EYS: variants seen among roughly 807,000 people sequenced by gnomAD.
The protein encoded by EYS is EGF-like photoreceptor maintenance factor.
In EYS, 250 loss-of-function variants were observed where a neutral mutation model predicts 282.1. The observed-to-expected ratio is 0.89, with a 90% confidence interval of 0.80 to 0.98. The LOEUF is 0.98. EYS is among the 50% of genes least tolerant of loss of function. The probability of loss-of-function intolerance (pLI) is 0.00; values close to 1 mark genes in which losing one functional copy is unlikely to be tolerated. For missense variants in EYS, 4,016 were observed against 3,709.0 expected (o/e 1.08, Z -2.15); for synonymous variants, 1,355 against 1,282.9 (o/e 1.06, Z -1.20).
At chr6:64,642,654 A>G (rs1562108006) in intron 22 of EYS, among the ~76,000 whole-genome samples, 1 of 152,238 alleles carries the variant, frequency 6.6e-6, no homozygotes, top group Admixed American at 6.5e-5. Flanking sequence ...ATTTTTGAGT[A>G]GCCAGGGTTC....
At chr6:63,859,090 T>G (rs1342227209) in intron 36 of EYS, among the ~76,000 whole-genome samples, 1 of 114,128 alleles carries the variant, frequency 8.8e-6, no homozygotes, top group African/African-American at 3.3e-5. Context: ...TTTTTTTTTT[T>G]TTTTTTTTTT....
chr6:64,080,847 G>T (rs1277460762), intron 32 of EYS, among the ~76,000 whole-genome samples: 1 of 152,024 alleles, frequency 6.6e-6, no homozygotes, highest in Non-Finnish European at 1.5e-5. Context: ...TCTCAGATTT[G>T]TCAAATATCA....
At chr6:65,080,939 C>A (rs1774216645) in intron 12 of EYS, among the ~76,000 whole-genome samples, 1 of 151,986 alleles carries the variant, frequency 6.6e-6, no homozygotes, top group African/African-American at 2.4e-5. Flanking sequence ...AAAAATACAT[C>A]TCTTCAGGGG....
At chr6:64,096,131 T>G (rs1772603143) in intron 31 of EYS, among the ~76,000 whole-genome samples, 1 of 152,238 alleles carries the variant, frequency 6.6e-6, no homozygotes, top group African/African-American at 2.4e-5. Context: ...GCTGTTAGTA[T>G]GATGGGCTTC....
intron 8 of EYS, among the ~76,000 whole-genome samples, chr6:65,367,820 A>C (rs1764972195): frequency 6.6e-6 from 1 of 151,766 alleles, no homozygotes; most frequent in Non-Finnish European, 1.5e-5. Flanking sequence ...AAACATGTGG[A>C]TTTATAAAGT....
intron 39 of EYS, among the ~76,000 whole-genome samples, chr6:63,778,765 C>T (rs1021273428): frequency 6.6e-6 from 1 of 152,046 alleles, no homozygotes; most frequent in Non-Finnish European, 1.5e-5. Context: ...GCCTAAGTGT[C>T]CCCCATAGAT....
Position 64,495,137 on chromosome 6 carries a change from A to G in EYS, c.5645-55785T>C, listed in dbSNP as rs936972637. Among the ~76,000 whole-genome samples the G allele has an allele frequency of 3.3e-5, 5 of 151,730 alleles. No individual in the cohort carries two copies. The Admixed American group carries it at 3.3e-4, about 10-fold the overall frequency. ...TTATTTTAATGCTAAGATAATAAAG[A>G]ACAGATTGCCCTACTCACCCTGGTT... is the stretch of plus-strand genomic sequence containing the variant. On this transcript the variant is annotated intron_variant, in intron 26 of 42. Transcript: ENST00000503581.
chr6:64,749,269 C>T (rs1772664407), intron 22 of EYS, among the ~76,000 whole-genome samples: 1 of 152,068 alleles, frequency 6.6e-6, no homozygotes, highest in Non-Finnish European at 1.5e-5. Context: ...GTAGATTATA[C>T]CTTTTGTACA....
chr6:63,720,707 A>G lies in EYS; in HGVS notation c.9324T>C (p.Phe3108=), dbSNP rs1357829953. The change falls in exon 43 of 43, where the codon TTT becomes TTC. Residue 3108 remains phenylalanine (F), a synonymous_variant. Transcript: ENST00000503581. ...ATACAACATCTTTAATTTTGCCAAC[A>G]AAATTGGTTTTAAAAATCTCTTGAG... The part of the protein sequence containing the change: ...IVTQEIFKTN[F]VGKIKDVVFF... The G allele has an allele frequency of 1.3e-6, 2 of 1,548,608 alleles. No individual in the cohort carries two copies. The highest frequency in any genetic ancestry group is 2.7e-5 in the African/African-American group (2 of 72,914).
chr6:65,501,510 TA>T (rs2127277649), intron 2 of EYS, among the ~76,000 whole-genome samples: 1 of 151,962 alleles, frequency 6.6e-6, no homozygotes, highest in East Asian at 1.9e-4. Flanking sequence ...AGTTGGTCTA[TA>T]GTATATGGAT....
At position 63,789,239 on chromosome 6, in the gene EYS, C is replaced by T. The variant is rs1770447462; in HGVS notation, c.7412-15G>A. 1.3e-6 allele frequency: 2 copies of T among 1,548,734 alleles called. No individual in the cohort carries two copies. The highest frequency in any genetic ancestry group is 1.7e-6 in the Non-Finnish European group (2 of 1,145,320). On this transcript the variant is annotated splice_polypyrimidine_tract_variant and intron_variant, in intron 37 of 42. Coordinates refer to ENST00000503581, the MANE Select transcript of EYS (RefSeq NM_001142800.2). ...GCCATTCAACCCTGGAATGAGAAGA[C>T]ACATGGGGAATGCTCACTGAGAGGA... is the stretch of plus-strand genomic sequence containing the variant.
intron 12 of EYS, among the ~76,000 whole-genome samples, chr6:65,268,704 C>T (rs373599977): frequency 1.3e-5 from 2 of 151,874 alleles, no homozygotes; most frequent in African/African-American, 4.8e-5. Flanking sequence ...TTCTCATTCT[C>T]TAGAAAGAAG....
chr6:65,100,796 C>T (rs1031012361), intron 12 of EYS, among the ~76,000 whole-genome samples: 1 of 150,038 alleles, frequency 6.7e-6, no homozygotes, highest in African/African-American at 2.4e-5. Context: ...GAATAGAGAC[C>T]CAAGGTATAT....
At chr6:63,958,701 C>T (rs1429342834) in intron 35 of EYS, among the ~76,000 whole-genome samples, 1 of 152,174 alleles carries the variant, frequency 6.6e-6, no homozygotes, top group Non-Finnish European at 1.5e-5. Context: ...GCTGACTCTC[C>T]TGTTAGAAAG....
At chr6:64,368,530 CAGTATATAAGT>C (rs1772250788) in intron 29 of EYS, among the ~76,000 whole-genome samples, 2 of 152,030 alleles carry the variant, frequency 1.3e-5, no homozygotes, top group African/African-American at 4.8e-5. Flanking sequence ...TTGTCACCAG[CAGTATATAAGT>C]ATTCTCTTTT....
At chr6:64,320,382 A>T (rs939625226) in intron 29 of EYS, among the ~76,000 whole-genome samples, 19 of 151,634 alleles carry the variant, frequency 1.3e-4, no homozygotes, top group African/African-American at 4.1e-4. Context: ...TTTTTTCCCC[A>T]CCATTTTATA....
chr6:63,793,264 A>T (rs1229432616), intron 37 of EYS, among the ~76,000 whole-genome samples: 1 of 152,238 alleles, frequency 6.6e-6, no homozygotes, highest in African/African-American at 2.4e-5. Flanking sequence ...AAGAGAGGGA[A>T]GTCCACAATT....
intron 5 of EYS, among the ~76,000 whole-genome samples, chr6:65,474,020 G>A (rs1161020097): frequency 1.3e-5 from 2 of 151,938 alleles, no homozygotes; most frequent in African/African-American, 2.4e-5. Context: ...AAAATTTGAA[G>A]TAAGATTTTA....
intron 19 of EYS, among the ~76,000 whole-genome samples, chr6:64,866,328 C>T (rs1766424051): frequency 6.6e-6 from 1 of 151,836 alleles, no homozygotes; most frequent in Non-Finnish European, 1.5e-5. Flanking sequence ...ATCCTATAGG[C>T]AACAACAAAT....
Sources: gnomAD v4.1 joint callset for allele counts (sites outside exome capture counted in the v4.1 genomes callset) on GRCh38, gnomAD v4.1.1 for gene constraint, MANE v1.5 for transcripts, NCBI Gene and HGNC (gene_info 2026-07-23, HGNC 2026-07-21) for gene names.